Variants in ABI2 observed in about 807,000 individuals in gnomAD.
ABI2 encodes abl interactor 2.
In ABI2, 25 loss-of-function variants were observed where a neutral mutation model predicts 59.2. The ratio of observed to expected loss-of-function variants is 0.42; its 90% confidence interval spans 0.31 to 0.59. The LOEUF is 0.59. Among genes scored for constraint, ABI2 ranks in the 20% least tolerant of loss-of-function variants. The probability of loss-of-function intolerance (pLI) is 0.14; values close to 1 mark genes in which losing one functional copy is unlikely to be tolerated. For missense variants in ABI2, 545 were observed against 681.8 expected (o/e 0.80, Z 2.23); for synonymous variants, 213 against 235.5 (o/e 0.90, Z 0.87).
Position 203,427,310 on chromosome 2 carries a change from T to C in ABI2, c.1587T>C (p.Phe529=). The change falls in exon 12 of 12, where the codon TTT becomes TTC. Residue 529 remains phenylalanine, a synonymous_variant. Transcript: ENST00000261018. ...EGVMNGVTGL[F]PGNYVESIMH... ...TTATGAATGGAGTGACTGGGCTTTT[T>C]CCTGGGAATTACGTTGAGTCTATCA... The C allele has an allele frequency of 6.2e-7, 1 of 1,614,092 alleles. No individual in the cohort carries two copies. The highest frequency in any genetic ancestry group is 8.5e-7 in the Non-Finnish European group (1 of 1,180,006).
intron 2 of ABI2, among the ~76,000 whole-genome samples, chr2:203,373,268 C>T (rs2095426272): frequency 6.6e-6 from 1 of 152,222 alleles, no homozygotes; most frequent in South Asian, 2.1e-4. Flanking sequence ...GGAGACCAGC[C>T]CGGCCAACAC....
intron 1 of ABI2, among the ~76,000 whole-genome samples, chr2:203,338,943 T>TATATATATATATAA (rs1559153851): frequency 0.013 from 175 of 13,284 alleles, 3 homozygotes; most frequent in African/African-American, 0.054. Context: ...TGTATATATA[T>TATATATATATATAA]ATATATATAT....
intron 9 of ABI2, among the ~76,000 whole-genome samples, chr2:203,405,644 G>C (rs2097393153): frequency 6.6e-6 from 1 of 152,116 alleles, no homozygotes; most frequent in Admixed American, 6.5e-5. Flanking sequence ...TATTTGTTGT[G>C]CTTTCTCAAG....
chr2:203,365,923 C>A (rs975912729), intron 1 of ABI2, among the ~76,000 whole-genome samples: 1 of 151,964 alleles, frequency 6.6e-6, no homozygotes, highest in African/African-American at 2.4e-5. Context: ...GCCACCGTGC[C>A]CGGCCGGGGC....
chr2:203,384,339 C>A (rs2096361612), intron 4 of ABI2, among the ~76,000 whole-genome samples: 1 of 127,748 alleles, frequency 7.8e-6, no homozygotes, highest in African/African-American at 3.2e-5. Context: ...CAGGGTCTCA[C>A]TCTGTCACCC....
chr2:203,341,949 A>T (rs927659435), intron 1 of ABI2, among the ~76,000 whole-genome samples: 7 of 152,212 alleles, frequency 4.6e-5, no homozygotes, highest in Non-Finnish European at 1.0e-4. Context: ...GAACTGATCT[A>T]CAGCTTCCTG....
chr2:203,423,396 A>C (rs1456433608), intron 11 of ABI2, among the ~76,000 whole-genome samples: 1 of 152,070 alleles, frequency 6.6e-6, no homozygotes, highest in Non-Finnish European at 1.5e-5. Context: ...TCTTTGTTTC[A>C]ATTTACTATT....
chr2:203,416,690 A>G (rs976102096), intron 10 of ABI2, among the ~76,000 whole-genome samples: 1 of 152,210 alleles, frequency 6.6e-6, no homozygotes, highest in Non-Finnish European at 1.5e-5. Context: ...TTCAGTGTCC[A>G]TTAGCATTAA....
chr2:203,398,189 C>T (rs938544496), intron 8 of ABI2, among the ~76,000 whole-genome samples: 1 of 152,158 alleles, frequency 6.6e-6, no homozygotes, highest in African/African-American at 2.4e-5. Context: ...TTCTATATGA[C>T]TTTTAAAGAA....
Position 203,328,645 on chromosome 2 carries a change from C to G in ABI2, c.117+14C>G. On this transcript the variant is annotated intron_variant, in intron 1 of 11. Transcript: ENST00000261018. ...AACTACATACAGGTGCGAAGCATCC[C>G]CAGCTGGGCCGCGTCGGGGACCCCC... 3 of 1,524,458 alleles carry G rather than the reference C, an allele frequency of 2.0e-6. No homozygotes were observed. The highest frequency in any genetic ancestry group is 3.5e-4 in the Middle Eastern group (2 of 5,676). The allele number at this position is 1,524,458 out of a possible 1,614,324, so 94.4% of individuals were successfully genotyped here. A position where few individuals can be genotyped will look rare whatever the true frequency, so the allele number is the denominator to read the frequency against.
chr2:203,372,328 C>G (rs2095293613), intron 2 of ABI2, among the ~76,000 whole-genome samples: 1 of 152,244 alleles, frequency 6.6e-6, no homozygotes, highest in Non-Finnish European at 1.5e-5. Context: ...ATGTCTACTT[C>G]TTTCTACACA....
At position 203,367,337 on chromosome 2, in the gene ABI2, A is replaced by T. The variant is rs182887833; in HGVS notation, c.285+293A>T. 6.8e-3 allele frequency: 1,067 copies of T among 157,128 alleles called. 8 individuals carry two copies. Among genetic ancestry groups the T allele is most frequent in the Admixed American group, 0.016 (211 of 13,150 alleles). The allele number at this position is 157,128 out of a possible 1,614,324, so 9.7% of individuals were successfully genotyped here. On this transcript the variant is annotated intron_variant, in intron 2 of 11. Coordinates refer to ENST00000261018, the MANE Select transcript of ABI2 (RefSeq NM_001375670.1). ...CATTCCCCCGCCTTTTTTTTTTTTTAAAACAAATTTCATACTTCTTTATCA... is the reference window on the plus strand; with the variant it reads ...CATTCCCCCGCCTTTTTTTTTTTTTTAAACAAATTTCATACTTCTTTATCA...
intron 9 of ABI2, among the ~76,000 whole-genome samples, chr2:203,408,717 G>T (rs2097533117): frequency 6.6e-6 from 1 of 151,922 alleles, no homozygotes; most frequent in Non-Finnish European, 1.5e-5. Context: ...GCCAACAGAA[G>T]AGGAGCATTT....
At chr2:203,334,867 G>T (rs1408810678) in intron 1 of ABI2, among the ~76,000 whole-genome samples, 1 of 152,040 alleles carries the variant, frequency 6.6e-6, no homozygotes, top group Admixed American at 6.6e-5. Context: ...CACCGTATTG[G>T]CCAGGCTGGT....
At chr2:203,347,465 CCGT>C (rs1183751751) in intron 1 of ABI2, among the ~76,000 whole-genome samples, 4 of 152,140 alleles carry the variant, frequency 2.6e-5, no homozygotes, top group African/African-American at 9.7e-5. Context: ...ACACGAAGAA[CCGT>C]AGCATGTAGT....
intron 2 of ABI2, among the ~76,000 whole-genome samples, chr2:203,372,798 C>T (rs1349254635): frequency 3.3e-5 from 5 of 149,478 alleles, no homozygotes; most frequent in East Asian, 4.0e-4. Context: ...TCAGATGGGG[C>T]GGCCGGGCAG....
chr2:203,420,852 G>A (rs2098168740), intron 11 of ABI2, among the ~76,000 whole-genome samples: 1 of 151,612 alleles, frequency 6.6e-6, no homozygotes. Context: ...ATGATGAATA[G>A]GAGTTTCTCA....
At position 203,411,297 on chromosome 2, in the gene ABI2, C is replaced by T. The variant is rs749988422; in HGVS notation, c.1205C>T (p.Pro402Leu). 2 of 1,613,566 alleles carry T rather than the reference C, an allele frequency of 1.2e-6. No individual in the cohort carries two copies. The highest frequency in any genetic ancestry group is 2.2e-5 in the South Asian group (2 of 91,072). ...TTTGTTTTTGCAGTATCTCTTGCTC[C>T]TCCTCCTCCCTCCATCCTACAGGTA... The part of the protein sequence containing the change: ...FYSQNPVSLA[P>L]PPPSILQVTP... The change falls in exon 10 of 12, where the codon CCT becomes CTT. Residue 402 changes from proline to leucine, a missense_variant. Transcript: ENST00000261018.
chr2:203,430,607 T>A lies in ABI2; in HGVS notation c.*3255T>A, dbSNP rs867148676. The A allele has an allele frequency of 7.2e-5, 11 of 152,210 alleles. No individual in the cohort carries two copies. The highest frequency in any genetic ancestry group is 1.2e-4 in the Non-Finnish European group (8 of 68,042). 9.4% of individuals were successfully genotyped at this position (152,210 alleles called of 1,614,324 possible). A position where few individuals can be genotyped will look rare whatever the true frequency, so the allele number is the denominator to read the frequency against. ...ATAAATATGAATCTTCTAAGCTATCTTGTTTAATATTTTCCATCATTTAGC... is the reference window on the plus strand; with the variant it reads ...ATAAATATGAATCTTCTAAGCTATCATGTTTAATATTTTCCATCATTTAGC... On this transcript the variant is annotated 3_prime_UTR_variant, in exon 12 of 12. Coordinates refer to ENST00000261018, the MANE Select transcript of ABI2 (RefSeq NM_001375670.1).
Sources: gnomAD v4.1 joint callset for allele counts (sites outside exome capture counted in the v4.1 genomes callset) on GRCh38, gnomAD v4.1.1 for gene constraint, MANE v1.5 for transcripts, NCBI Gene and HGNC (gene_info 2026-07-23, HGNC 2026-07-21) for gene names.